Variants in ZNF609 observed in about 807,000 individuals in gnomAD.
The protein encoded by ZNF609 is zinc finger protein 609.
A neutral mutation model predicts 109.5 loss-of-function variants in ZNF609; 11 were observed. The ratio of observed to expected loss-of-function variants is 0.10; its 90% CI spans 0.06 to 0.17. The LOEUF (loss-of-function observed/expected upper bound fraction) is 0.17. ZNF609 is among the 10% of genes least tolerant of loss of function. The pLI, the probability that ZNF609 is intolerant of heterozygous loss-of-function variation, is 1.00. For synonymous variants in ZNF609, 646 were observed against 662.0 expected (o/e 0.98, Z 0.37); for missense variants, 1,559 against 1,772.4 (o/e 0.88, Z 2.16).
intron 2 of ZNF609, among the ~76,000 whole-genome samples, chr15:64,546,987 T>C (rs1400445503): frequency 2.0e-5 from 3 of 150,942 alleles, no homozygotes; most frequent in Non-Finnish European, 3.0e-5. Context: ...AGATGGGGTT[T>C]CACTGTGCTA....
intron 2 of ZNF609, among the ~76,000 whole-genome samples, chr15:64,616,889 A>G (rs1351003853): frequency 7.4e-6 from 1 of 134,640 alleles, no homozygotes; most frequent in Non-Finnish European, 1.5e-5. Flanking sequence ...GCTCACTGCA[A>G]CCTCCACCTC....
chr15:64,533,414 A>T (rs1567007342), intron 2 of ZNF609, among the ~76,000 whole-genome samples: 1 of 152,196 alleles, frequency 6.6e-6, no homozygotes, highest in African/African-American at 2.4e-5. Context: ...ATTTCACATC[A>T]TCTGGTACTG....
chr15:64,616,493 T>C (rs928742109), intron 2 of ZNF609, among the ~76,000 whole-genome samples: 5 of 150,508 alleles, frequency 3.3e-5, no homozygotes, highest in African/African-American at 1.2e-4. Flanking sequence ...GAGATCCTTA[T>C]ATATGTTATT....
At chr15:64,489,134 G>A (rs1307971576) in intron 1 of ZNF609, among the ~76,000 whole-genome samples, 1 of 150,478 alleles carries the variant, frequency 6.6e-6, no homozygotes, top group Non-Finnish European at 1.5e-5. Context: ...GAAAATTAAT[G>A]ATTTTACACA....
chr15:64,550,739 G>A (rs1009079052), intron 2 of ZNF609, among the ~76,000 whole-genome samples: 3 of 149,196 alleles, frequency 2.0e-5, no homozygotes, highest in African/African-American at 7.4e-5. Flanking sequence ...GAGAGGCCGA[G>A]ACAGGAGAAT....
intron 4 of ZNF609, among the ~76,000 whole-genome samples, chr15:64,671,578 G>A (rs1019972756): frequency 1.3e-5 from 2 of 152,060 alleles, no homozygotes; most frequent in Non-Finnish European, 2.9e-5. Flanking sequence ...TTTTCATGTC[G>A]CAATTTGACC....
In ZNF609 at chr15:64,674,390, T is replaced by G. The variant is rs773308186; in HGVS notation, c.1536T>G (p.Leu512=). 1 of 1,614,160 alleles carries G rather than the reference T, an allele frequency of 6.2e-7. No homozygotes were observed. The highest frequency in any genetic ancestry group is 1.1e-5 in the South Asian group (1 of 91,072). The change falls in exon 5 of 10, where the codon CTT becomes CTG. Residue 512 remains leucine (L), a synonymous_variant. Coordinates refer to ENST00000326648, the MANE Select transcript of ZNF609 (RefSeq NM_015042.2). ...AGAAGTACAAGCACATCAATGGACTTAAGTACCACCAAGCTCATGCCCATA... is the reference window on the plus strand; with the variant it reads ...AGAAGTACAAGCACATCAATGGACTGAAGTACCACCAAGCTCATGCCCATA... ...CNKKYKHING[L]KYHQAHAHTD... is the part of the protein sequence containing the mutation.
In ZNF609 at chr15:64,515,857, G is replaced by A. The variant is rs555486666; in HGVS notation, c.747+15691G>A. On this transcript the variant is annotated intron_variant, in intron 2 of 9. Coordinates refer to ENST00000326648, the MANE Select transcript of ZNF609 (RefSeq NM_015042.2). Reference sequence around the variant, plus strand: ...GGAGGCCGAGGCAGGATAATTGCTCGAACCTGGGAGGCGGGGGTTGCAGTG... The same window carrying A: ...GGAGGCCGAGGCAGGATAATTGCTCAAACCTGGGAGGCGGGGGTTGCAGTG... Among the ~76,000 whole-genome samples, 8 of 151,606 alleles carry A rather than the reference G, an allele frequency of 5.3e-5. No individual in the cohort carries two copies. In the South Asian group the frequency reaches 6.2e-4, roughly 12 times the overall value.
intron 2 of ZNF609, among the ~76,000 whole-genome samples, chr15:64,508,043 A>G (rs888026565): frequency 3.9e-5 from 6 of 152,202 alleles, no homozygotes; most frequent in Non-Finnish European, 8.8e-5. Flanking sequence ...GCTGCCTAAG[A>G]AAGTGTAGAC....
chr15:64,460,546 C>T (rs182972762), upstream of ZNF609, among the ~76,000 whole-genome samples: 331 of 152,228 alleles, frequency 2.2e-3, no homozygotes, highest in Non-Finnish European at 3.4e-3. Flanking sequence ...GAGGGCCTGG[C>T]AGTCCAGTGT....
In ZNF609 at chr15:64,675,324, C is replaced by G; in HGVS notation, c.2470C>G (p.Pro824Ala). 1.2e-6 allele frequency: 2 copies of G among 1,614,024 alleles called. No homozygotes were observed. The highest frequency in any genetic ancestry group is 1.7e-6 in the Non-Finnish European group (2 of 1,179,944). ...CACTACCCCTACTCAGCCCCTGACT[C>G]CCTTACATGTGGTGACCCAGAATGG... is the stretch of plus-strand genomic sequence containing the variant. The part of the protein sequence containing the change: ...ENTTPTQPLT[P>A]LHVVTQNGAE... Residue 824 changes from proline (P) to alanine (A), a missense_variant, in exon 5 of 10, where the codon CCC (proline) becomes GCC (alanine). Pro to Ala is a conservative substitution (Grantham distance 27, BLOSUM62 -1). Transcript: ENST00000326648.
At chr15:64,487,923 C>G (rs1194040544) in intron 1 of ZNF609, among the ~76,000 whole-genome samples, 2 of 152,104 alleles carry the variant, frequency 1.3e-5, no homozygotes, top group East Asian at 1.9e-4. Context: ...CGTGAACCAC[C>G]GCACCCAGCC....
chr15:64,635,868 C>CT (rs1226569466), intron 3 of ZNF609, among the ~76,000 whole-genome samples: 1 of 46,230 alleles, frequency 2.2e-5, no homozygotes, highest in Non-Finnish European at 7.4e-5. Flanking sequence ...CGCTCTCTCT[C>CT]TCTCTGACTA....
intron 2 of ZNF609, among the ~76,000 whole-genome samples, chr15:64,578,957 G>A (rs552775648): frequency 2.8e-4 from 43 of 152,132 alleles, no homozygotes; most frequent in African/African-American, 9.9e-4. Flanking sequence ...AGCTTTGATA[G>A]GGCCACTATA....
chr15:64,522,548 A>G (rs1418030815), intron 2 of ZNF609, among the ~76,000 whole-genome samples: 1 of 152,110 alleles, frequency 6.6e-6, no homozygotes, highest in Non-Finnish European at 1.5e-5. Flanking sequence ...CTTATCTCAA[A>G]CCAATTTTTT....
intron 2 of ZNF609, among the ~76,000 whole-genome samples, chr15:64,512,564 T>C (rs72741379): frequency 0.048 from 7,325 of 152,270 alleles, 236 homozygotes; most frequent in South Asian, 0.086. Flanking sequence ...TGCTTCTGGA[T>C]GCATTCAAAG....
intron 4 of ZNF609, among the ~76,000 whole-genome samples, chr15:64,673,010 A>G (rs921720353): frequency 1.3e-5 from 2 of 151,816 alleles, no homozygotes; most frequent in Non-Finnish European, 2.9e-5. Context: ...AAAACAAGTT[A>G]GTAAAGTTCT....
chr15:64,568,482 A>G (rs973834451), intron 2 of ZNF609, among the ~76,000 whole-genome samples: 5 of 152,082 alleles, frequency 3.3e-5, no homozygotes, highest in Non-Finnish European at 7.4e-5. Flanking sequence ...GAAAATCCCA[A>G]TCCCCCTACA....
chr15:64,566,722 T>C (rs1297865500), intron 2 of ZNF609, among the ~76,000 whole-genome samples: 1 of 152,194 alleles, frequency 6.6e-6, no homozygotes, highest in Non-Finnish European at 1.5e-5. Context: ...GAGGGCGTGG[T>C]AGAGACAGTG....
Sources: gnomAD v4.1 joint callset for allele counts (sites outside exome capture counted in the v4.1 genomes callset) on GRCh38, gnomAD v4.1.1 for gene constraint, MANE v1.5 for transcripts, NCBI Gene and HGNC (gene_info 2026-07-23, HGNC 2026-07-21) for gene names.